Variants in CD44 observed in about 807,000 individuals in gnomAD.
CD44 encodes the protein CD44 molecule (IN blood group).
A neutral mutation model predicts 88.8 loss-of-function variants in CD44; 49 were observed. The ratio of observed to expected loss-of-function variants is 0.55; its 90% CI spans 0.44 to 0.70. The LOEUF (loss-of-function observed/expected upper bound fraction) is 0.70, where lower values mean the gene tolerates loss of function less well. Among genes scored for constraint, CD44 ranks in the 30% least tolerant of loss-of-function variants. The probability of loss-of-function intolerance (pLI) is 0.00; values close to 1 mark genes in which losing one functional copy is unlikely to be tolerated. For synonymous variants in CD44, 325 were observed against 312.3 expected, an observed-to-expected ratio of 1.04 and a Z score of -0.43; for missense variants, 883 against 913.8, an observed-to-expected ratio of 0.97 and a Z score of 0.43.
At chr11:35,177,420 CAAG>C (rs1452213622) in intron 2 of CD44, among the ~76,000 whole-genome samples, 1 of 152,172 alleles carries the variant, frequency 6.6e-6, no homozygotes, top group East Asian at 1.9e-4. Context: ...AAGCGGTGCA[CAAG>C]AAGAGCAAGC....
At chr11:35,223,688 A>G (rs1033582771) in intron 17 of CD44, among the ~76,000 whole-genome samples, 2 of 152,134 alleles carry the variant, frequency 1.3e-5, no homozygotes, top group Non-Finnish European at 2.9e-5. Context: ...ATAAATTACT[A>G]TGTCCTGATT....
chr11:35,150,834 G>C (rs1255129787), intron 1 of CD44, among the ~76,000 whole-genome samples: 1 of 152,208 alleles, frequency 6.6e-6, no homozygotes, highest in African/African-American at 2.4e-5. Flanking sequence ...TCCTTCCCCT[G>C]TTGGTTGCCT....
At chr11:35,206,449 C>A (rs966028854) in intron 11 of CD44, among the ~76,000 whole-genome samples, 6 of 151,958 alleles carry the variant, frequency 3.9e-5, no homozygotes, top group African/African-American at 1.5e-4. Context: ...AGGAATTTAG[C>A]AGGAGGGTTG....
intron 1 of CD44, among the ~76,000 whole-genome samples, chr11:35,174,558 C>T (rs1944246684): frequency 1.3e-5 from 2 of 152,130 alleles, no homozygotes; most frequent in African/African-American, 2.4e-5. Flanking sequence ...CAATTACAGC[C>T]TTTGAAGTCT....
Position 35,142,722 on chromosome 11 carries a change from G to A in CD44, c.67+3352G>A, listed in dbSNP as rs539815109. ...CATGGTGACAAGTCCTTGTGTGGGAGGCTGGCAGCCAGTAGGAAAATGTTC... is the reference window on the plus strand; with the variant it reads ...CATGGTGACAAGTCCTTGTGTGGGAAGCTGGCAGCCAGTAGGAAAATGTTC... On this transcript the variant is annotated intron_variant, in intron 1 of 17. Coordinates refer to ENST00000428726, the MANE Select transcript of CD44 (RefSeq NM_000610.4). 5.9e-5 allele frequency among the ~76,000 whole-genome samples: 9 copies of A among 152,342 alleles called. No homozygotes were observed. In the South Asian group the frequency reaches 1.2e-3, roughly 21 times the overall value.
chr11:35,149,680 G>T (rs1286832144), intron 1 of CD44, among the ~76,000 whole-genome samples: 2 of 152,134 alleles, frequency 1.3e-5, no homozygotes, highest in Non-Finnish European at 2.9e-5. Flanking sequence ...CAGGCCTCAT[G>T]TTCTATAAAT....
At chr11:35,152,641 T>C (rs994753667) in intron 1 of CD44, among the ~76,000 whole-genome samples, 1 of 152,196 alleles carries the variant, frequency 6.6e-6, no homozygotes, top group Non-Finnish European at 1.5e-5. Flanking sequence ...AACTTTCGCC[T>C]CTATCTATGT....
intron 15 of CD44, 34 bp downstream of exon 15, chr11:35,214,948 A>G: frequency 7.2e-7 from 1 of 1,386,774 alleles, no homozygotes; most frequent in Non-Finnish European, 9.8e-7. Flanking sequence ...ATTTACTGTT[A>G]TAATCATTGA....
intron 1 of CD44, among the ~76,000 whole-genome samples, chr11:35,144,618 C>T (rs533020414): frequency 3.3e-5 from 5 of 152,236 alleles, no homozygotes; most frequent in East Asian, 1.9e-4. Flanking sequence ...CAGAGTAAAC[C>T]GGAAGGGGTG....
Position 35,215,042 on chromosome 11 carries a change from C to G in CD44, c.1873+128C>G, listed in dbSNP as rs567626712. ...ACCTTCTTAGCATACATCACAATTG[C>G]AGGGAGGGCTTATTAAACCACAATG... On this transcript the variant is annotated intron_variant, in intron 15 of 17. Transcript: ENST00000428726. 3.5e-5 allele frequency: 17 copies of G among 480,372 alleles called. No homozygotes were observed. The South Asian group carries it at 9.2e-4, about 26-fold the overall frequency. The allele number at this position is 480,372 out of a possible 1,614,324, so 29.8% of individuals were successfully genotyped here.
chr11:35,177,449 A>C (rs1387795839), intron 2 of CD44, among the ~76,000 whole-genome samples: 1 of 152,222 alleles, frequency 6.6e-6, no homozygotes, highest in Admixed American at 6.5e-5. Flanking sequence ...TGGCAATCAC[A>C]GTGAATTGTT....
chr11:35,209,271 G>GT (rs1948179016), intron 12 of CD44, among the ~76,000 whole-genome samples: 1 of 152,208 alleles, frequency 6.6e-6, no homozygotes, highest in Admixed American at 6.5e-5. Context: ...TGGGCAATGG[G>GT]TCAACCTCCA....
At chr11:35,172,170 T>G (rs353645) in intron 1 of CD44, among the ~76,000 whole-genome samples, 84,633 of 152,034 alleles carry the variant, frequency 0.56, 24,479 homozygotes, top group African/African-American at 0.7. Context: ...TGCTTTGACT[T>G]GTCCACTTTT....
At chr11:35,167,098 C>A (rs566398316) in intron 1 of CD44, among the ~76,000 whole-genome samples, 57 of 152,282 alleles carry the variant, frequency 3.7e-4, no homozygotes, top group African/African-American at 1.3e-3. Flanking sequence ...AGCCTTCGAA[C>A]AAATGAAGAA....
intron 1 of CD44, among the ~76,000 whole-genome samples, chr11:35,148,047 C>T (rs932854841): frequency 1.5e-4 from 23 of 151,702 alleles, no homozygotes; most frequent in East Asian, 7.8e-4. Context: ...GCCAAGATCA[C>T]GCCATTGCAC....
chr11:35,204,168 A>G (rs1451548325), intron 9 of CD44, among the ~76,000 whole-genome samples: 1 of 152,208 alleles, frequency 6.6e-6, no homozygotes, highest in Non-Finnish European at 1.5e-5. Context: ...TATTCTTTGA[A>G]TGGTTTTCTC....
chr11:35,204,615 C>T lies in CD44; in HGVS notation c.1257C>T (p.Asp419=). 6.2e-7 allele frequency: 1 copy of T among 1,613,134 alleles called. No homozygotes were observed. The highest frequency in any genetic ancestry group is 8.5e-7 in the Non-Finnish European group (1 of 1,179,214). The change falls in exon 10 of 18, where the codon GAC becomes GAT. Residue 419 remains aspartate, a synonymous_variant. Transcript: ENST00000428726. ...HEGYRQTPKE[D]SHSTTGTAAA... is the part of the protein sequence containing the mutation. Reference sequence around the variant, plus strand: ...GATATCGCCAAACACCCAAAGAAGACTCCCATTCGACAACAGGGACAGCTG... The same window carrying T: ...GATATCGCCAAACACCCAAAGAAGATTCCCATTCGACAACAGGGACAGCTG...
At chr11:35,155,154 C>T (rs1941688594) in intron 1 of CD44, among the ~76,000 whole-genome samples, 1 of 152,130 alleles carries the variant, frequency 6.6e-6, no homozygotes, top group African/African-American at 2.4e-5. Flanking sequence ...GGGTCACATG[C>T]CCACACCTAA....
At chr11:35,191,125 G>T (rs1045257290) in intron 5 of CD44, among the ~76,000 whole-genome samples, 13 of 152,282 alleles carry the variant, frequency 8.5e-5, no homozygotes, top group African/African-American at 2.9e-4. Flanking sequence ...CCTGGCTATA[G>T]CTCCTGAGGG....
Sources: gnomAD v4.1 joint callset for allele counts (sites outside exome capture counted in the v4.1 genomes callset) on GRCh38, gnomAD v4.1.1 for gene constraint, MANE v1.5 for transcripts, NCBI Gene and HGNC (gene_info 2026-07-23, HGNC 2026-07-21) for gene names.